JAZF1: variants seen among roughly 807,000 people sequenced by gnomAD.
JAZF1 encodes JAZF zinc finger 1.
A neutral mutation model predicts 26.4 loss-of-function variants in JAZF1; 8 were observed. The ratio of observed to expected loss-of-function variants is 0.30; its 90% CI spans 0.18 to 0.55. The LOEUF is 0.55. Among genes scored for constraint, JAZF1 ranks in the 20% least tolerant of loss-of-function variants. The pLI, the probability that JAZF1 is intolerant of heterozygous loss-of-function variation, is 0.94. For missense variants in JAZF1, 199 were observed against 322.0 expected, an observed-to-expected ratio of 0.62 and a Z score of 2.92; for synonymous variants, 126 against 122.3, an observed-to-expected ratio of 1.03 and a Z score of -0.20.
intron 1 of JAZF1, among the ~76,000 whole-genome samples, chr7:28,046,196 C>G (rs1208482666): frequency 6.6e-6 from 1 of 152,166 alleles, no homozygotes; most frequent in African/African-American, 2.4e-5. Flanking sequence ...TTCTACAAAA[C>G]CTTTAGGAGC....
intron 1 of JAZF1, among the ~76,000 whole-genome samples, chr7:28,167,284 A>G (rs966853670): frequency 6.6e-6 from 1 of 152,228 alleles, no homozygotes; most frequent in African/African-American, 2.4e-5. Context: ...AGGAAGGGAA[A>G]TGACCAGACA....
At chr7:27,861,433 T>C (rs1783377691) in intron 3 of JAZF1, among the ~76,000 whole-genome samples, 1 of 147,180 alleles carries the variant, frequency 6.8e-6, no homozygotes, top group East Asian at 1.9e-4. Flanking sequence ...AAATCTCTGA[T>C]TTTTTTTTTC....
intron 1 of JAZF1, among the ~76,000 whole-genome samples, chr7:28,130,609 T>C (rs1234110865): frequency 6.6e-6 from 1 of 152,192 alleles, no homozygotes; most frequent in Non-Finnish European, 1.5e-5. Flanking sequence ...TGTTTCAGTT[T>C]CCTCATCTGG....
intron 3 of JAZF1, among the ~76,000 whole-genome samples, chr7:27,894,679 A>G (rs1784029333): frequency 6.6e-6 from 1 of 152,226 alleles, no homozygotes; most frequent in Admixed American, 6.5e-5. Flanking sequence ...TAAAGAAGCA[A>G]ATGAAAAAGC....
At chr7:27,882,135 AC>A (rs1000318677) in intron 3 of JAZF1, among the ~76,000 whole-genome samples, 1 of 152,114 alleles carries the variant, frequency 6.6e-6, no homozygotes, top group African/African-American at 2.4e-5. Flanking sequence ...TACTTAGAAT[AC>A]TCTGGCTGCC....
At chr7:27,847,518 C>G (rs1783053185) in intron 3 of JAZF1, among the ~76,000 whole-genome samples, 1 of 152,148 alleles carries the variant, frequency 6.6e-6, no homozygotes. Flanking sequence ...GTTGTCCCAG[C>G]ACCAATTACT....
intron 1 of JAZF1, among the ~76,000 whole-genome samples, chr7:28,101,858 T>C (rs544510900): frequency 1.3e-5 from 2 of 152,190 alleles, no homozygotes; most frequent in Non-Finnish European, 2.9e-5. Flanking sequence ...TTTAACTGCT[T>C]GACGGAAATG....
chr7:27,912,210 C>A (rs751172410), intron 2 of JAZF1, among the ~76,000 whole-genome samples: 1 of 152,166 alleles, frequency 6.6e-6, no homozygotes, highest in Admixed American at 6.5e-5. Context: ...CATTGGTACC[C>A]GCTGTGAAGG....
At chr7:27,861,100 G>T (rs1366809655) in intron 3 of JAZF1, among the ~76,000 whole-genome samples, 1 of 152,134 alleles carries the variant, frequency 6.6e-6, no homozygotes, top group Non-Finnish European at 1.5e-5. Context: ...TGGAGTCCCT[G>T]AATGTCTGAG....
At chr7:27,863,231 C>G (rs1270315208) in intron 3 of JAZF1, among the ~76,000 whole-genome samples, 1 of 152,232 alleles carries the variant, frequency 6.6e-6, no homozygotes, top group African/African-American at 2.4e-5. Context: ...CCTTCCCTCT[C>G]TTTTATGACA....
intron 3 of JAZF1, chr7:27,843,036 G>A (rs1292869260): frequency 2.0e-5 from 3 of 152,356 alleles, no homozygotes; most frequent in Admixed American, 6.5e-5. Context: ...GGGAAGGCAC[G>A]TGGTATCCAG....
chr7:27,999,521 C>A (rs1462243499), intron 1 of JAZF1, among the ~76,000 whole-genome samples: 1 of 152,194 alleles, frequency 6.6e-6, no homozygotes, highest in Non-Finnish European at 1.5e-5. Flanking sequence ...GAAAGGAAAC[C>A]TTTCCCTCCT....
chr7:28,176,125 C>T (rs975204226), intron 1 of JAZF1, among the ~76,000 whole-genome samples: 1 of 152,188 alleles, frequency 6.6e-6, no homozygotes, highest in Non-Finnish European at 1.5e-5. Context: ...AGACTCACAA[C>T]AAGAAACCTG....
intron 1 of JAZF1, among the ~76,000 whole-genome samples, chr7:28,076,190 G>C (rs951720699): frequency 6.6e-6 from 1 of 152,122 alleles, no homozygotes; most frequent in Admixed American, 6.5e-5. Flanking sequence ...CACTTCAAGG[G>C]GCTCCATTAT....
chr7:28,013,000 C>T (rs1414484387), intron 1 of JAZF1, among the ~76,000 whole-genome samples: 1 of 152,204 alleles, frequency 6.6e-6, no homozygotes, highest in East Asian at 1.9e-4. Context: ...CCCATCTTCA[C>T]ACTTACCCCA....
At chr7:28,058,099 A>G (rs1291238623) in intron 1 of JAZF1, among the ~76,000 whole-genome samples, 3 of 152,152 alleles carry the variant, frequency 2.0e-5, no homozygotes, top group Non-Finnish European at 2.9e-5. Context: ...AGACTTTGCC[A>G]GTGTGTGAGG....
chr7:28,037,831 G>C (rs538783893), intron 1 of JAZF1, among the ~76,000 whole-genome samples: 1 of 152,068 alleles, frequency 6.6e-6, no homozygotes, highest in Non-Finnish European at 1.5e-5. Flanking sequence ...GGAATCTTTC[G>C]CTGAGTTGGT....
At chr7:27,868,009 T>C (rs1024755623) in intron 3 of JAZF1, among the ~76,000 whole-genome samples, 5 of 152,210 alleles carry the variant, frequency 3.3e-5, no homozygotes, top group Non-Finnish European at 7.3e-5. Context: ...TGTTGGTTTC[T>C]TCATGGACTC....
intron 1 of JAZF1, among the ~76,000 whole-genome samples, chr7:28,146,421 A>G (rs1783028592): frequency 6.6e-6 from 1 of 152,258 alleles, no homozygotes; most frequent in Admixed American, 6.5e-5. Context: ...TTGAAGATTC[A>G]GGGTGTTCTG....
Sources: gnomAD v4.1 joint callset for allele counts (sites outside exome capture counted in the v4.1 genomes callset) on GRCh38, gnomAD v4.1.1 for gene constraint, MANE v1.5 for transcripts, NCBI Gene and HGNC (gene_info 2026-07-23, HGNC 2026-07-21) for gene names.